Variants in NUDT9 observed in about 807,000 individuals in gnomAD.
The protein encoded by NUDT9 is nudix hydrolase 9.
A neutral mutation model predicts 41.0 loss-of-function variants in NUDT9; 31 were observed. The ratio of observed to expected loss-of-function variants is 0.76; its 90% confidence interval spans 0.57 to 1.02. NUDT9 has a LOEUF of 1.02. Among genes scored for constraint, NUDT9 ranks in the 50% least tolerant of loss-of-function variants. The pLI is 0.00. For synonymous variants in NUDT9, 146 were observed against 147.6 expected (o/e 0.99, Z 0.08); for missense variants, 380 against 431.4 (o/e 0.88, Z 1.06).
Position 87,430,548 on chromosome 4 carries a change from A to AT in NUDT9, c.108-4425dup, listed in dbSNP as rs887077174. On this transcript the variant is annotated intron_variant, in intron 1 of 7. Coordinates refer to ENST00000302174, the MANE Select transcript of NUDT9 (RefSeq NM_024047.5). ...ACAGAAATACAAATTGTTTGATGTCATTTTTTTTATTGCAAGTAAATTTCT... is the reference window on the plus strand; with the variant it reads ...ACAGAAATACAAATTGTTTGATGTCATTTTTTTTTATTGCAAGTAAATTTCT... Among the ~76,000 whole-genome samples the AT allele has an allele frequency of 4.6e-5, 7 of 151,682 alleles. No individual in the cohort carries two copies. The East Asian group carries it at 5.8e-4, about 13-fold the overall frequency.
chr4:87,428,087 G>A (rs897894474), intron 1 of NUDT9, among the ~76,000 whole-genome samples: 1 of 152,152 alleles, frequency 6.6e-6, no homozygotes, highest in Non-Finnish European at 1.5e-5. Flanking sequence ...TCAAATACTC[G>A]CTCACGTTAC....
Position 87,449,216 on chromosome 4 carries a change from T to G in NUDT9, c.605T>G (p.Ile202Arg). Reference protein sequence around the residue: ...SGKHILQFVAIKRKDCGEWAI... With the variant: ...SGKHILQFVARKRKDCGEWAI... The stretch of plus-strand genomic sequence containing the variant: ...AAGCATATCTTACAATTTGTTGCAA[T>G]AAAAAGGAAAGACTGTGGAGAATGG... Residue 202 changes from isoleucine to arginine, a missense_variant, in exon 5 of 8, where the codon ATA becomes AGA. Transcript: ENST00000302174. 1 of 1,610,000 alleles carries G rather than the reference T, an allele frequency of 6.2e-7. No individual in the cohort carries two copies. The highest frequency in any genetic ancestry group is 8.5e-7 in the Non-Finnish European group (1 of 1,176,412).
chr4:87,442,301 A>G (rs1722238682), intron 4 of NUDT9, among the ~76,000 whole-genome samples: 1 of 152,218 alleles, frequency 6.6e-6, no homozygotes, highest in African/African-American at 2.4e-5. Flanking sequence ...ATATCTAAAC[A>G]TAGGGAAAGT....
chr4:87,432,282 C>T (rs1417938980), intron 1 of NUDT9, among the ~76,000 whole-genome samples: 2 of 152,220 alleles, frequency 1.3e-5, no homozygotes, highest in Middle Eastern at 3.4e-3. Flanking sequence ...AACAGGTAGC[C>T]TGGAGATACT....
chr4:87,446,050 C>T (rs1422271207), intron 4 of NUDT9, among the ~76,000 whole-genome samples: 1 of 151,862 alleles, frequency 6.6e-6, no homozygotes, highest in East Asian at 1.9e-4. Flanking sequence ...AGGCAGGAGC[C>T]ACCACACTAC....
intron 4 of NUDT9, among the ~76,000 whole-genome samples, chr4:87,442,842 T>C (rs1249122923): frequency 6.6e-6 from 1 of 152,220 alleles, no homozygotes; most frequent in African/African-American, 2.4e-5. Context: ...GGCAGTAATA[T>C]GCATGGAGCT....
Position 87,449,239 on chromosome 4 carries a change from TG to T in NUDT9, c.631del (p.Ala211GlnfsTer17). ...AATAAAAAGGAAAGACTGTGGAGAA[TG>T]GGCAATCCCAGGGGTAAGCATTAAA... ...VAIKRKDCGEWAIPGGMVDPG... is the reference protein window; with the variant it reads ...VAIKRKDCGEXAIPGGMVDPG... On this transcript the variant is annotated frameshift_variant, in exon 5 of 8. Coordinates refer to ENST00000302174, the MANE Select transcript of NUDT9 (RefSeq NM_024047.5). LOFTEE classifies it high-confidence loss of function. 6.3e-7 allele frequency: 1 copy of T among 1,579,086 alleles called. No homozygotes were observed. The highest frequency in any genetic ancestry group is 8.7e-7 in the Non-Finnish European group (1 of 1,148,306).
chr4:87,424,408 C>T (rs1035133030), intron 1 of NUDT9, among the ~76,000 whole-genome samples: 6 of 151,944 alleles, frequency 3.9e-5, no homozygotes, highest in African/African-American at 1.5e-4. Context: ...TACTGGCGCG[C>T]GCACGCCCGG....
intron 1 of NUDT9, among the ~76,000 whole-genome samples, chr4:87,431,565 G>C (rs751110163): frequency 6.6e-6 from 1 of 152,080 alleles, no homozygotes; most frequent in East Asian, 1.9e-4. Flanking sequence ...TTATTTATTG[G>C]TGTCTTTAAT....
chr4:87,424,323 G>A (rs980784023), intron 1 of NUDT9, among the ~76,000 whole-genome samples: 2 of 147,058 alleles, frequency 1.4e-5, no homozygotes, highest in South Asian at 2.2e-4. Context: ...GCAGTGGCGC[G>A]ATCTCGGCTC....
chr4:87,451,895 A>T lies in NUDT9; in HGVS notation c.789+160A>T, dbSNP rs574123474. Reference sequence around the variant, plus strand: ...CAAATTACAGATCTTCACTGTAAATAGGTTTCTATTTAAAGTTTTATAGCC... The same window carrying T: ...CAAATTACAGATCTTCACTGTAAATTGGTTTCTATTTAAAGTTTTATAGCC... On this transcript the variant is annotated intron_variant, in intron 6 of 7. Transcript: ENST00000302174. Among the ~76,000 whole-genome samples, 6 of 152,338 alleles carry T rather than the reference A, an allele frequency of 3.9e-5. No individual in the cohort carries two copies. The East Asian group carries it at 1.2e-3, about 29-fold the overall frequency.
intron 1 of NUDT9, among the ~76,000 whole-genome samples, chr4:87,423,515 C>T (rs1333263843): frequency 6.7e-6 from 1 of 149,180 alleles, no homozygotes; most frequent in Non-Finnish European, 1.5e-5. Context: ...TCTTACACTG[C>T]CTCCTTCTGT....
intron 2 of NUDT9, among the ~76,000 whole-genome samples, chr4:87,435,773 G>A (rs1016388489): frequency 6.6e-6 from 1 of 152,102 alleles, no homozygotes; most frequent in African/African-American, 2.4e-5. Context: ...AACATTTTAT[G>A]TTTATGTTTC....
chr4:87,456,425 A>G (rs1722993393), intron 7 of NUDT9, among the ~76,000 whole-genome samples: 1 of 152,002 alleles, frequency 6.6e-6, no homozygotes, highest in Non-Finnish European at 1.5e-5. Context: ...TTGGTAAAAT[A>G]GTTTTCCTTG....
At chr4:87,448,759 G>A (rs1045339113) in intron 4 of NUDT9, among the ~76,000 whole-genome samples, 5 of 152,168 alleles carry the variant, frequency 3.3e-5, no homozygotes, top group South Asian at 2.1e-4. Flanking sequence ...GAGACACTGC[G>A]CCTGGCAACT....
chr4:87,451,496 T>A (rs1722706216), intron 5 of NUDT9, 93 bp from the exon 6 acceptor site: 3 of 985,916 alleles, frequency 3.0e-6, no homozygotes, highest in Non-Finnish European at 4.5e-6. Flanking sequence ...ATAGGCAGAT[T>A]GAATAATAAA....
intron 1 of NUDT9, among the ~76,000 whole-genome samples, chr4:87,433,334 C>G (rs1721770229): frequency 6.6e-6 from 1 of 152,196 alleles, no homozygotes. Flanking sequence ...GCACCTTTCT[C>G]TATCTTTCAT....
At chr4:87,448,564 C>G (rs575296010) in intron 4 of NUDT9, among the ~76,000 whole-genome samples, 3 of 152,050 alleles carry the variant, frequency 2.0e-5, no homozygotes, top group African/African-American at 7.2e-5. Flanking sequence ...TCAGTGCAAC[C>G]TTAAACTCCT....
intron 1 of NUDT9, among the ~76,000 whole-genome samples, chr4:87,426,861 G>T (rs1721447183): frequency 6.8e-6 from 1 of 147,376 alleles, no homozygotes; most frequent in African/African-American, 2.5e-5. Context: ...CATAGAGTGA[G>T]ACCCCATCTT....
Sources: gnomAD v4.1 joint callset for allele counts (sites outside exome capture counted in the v4.1 genomes callset) on GRCh38, gnomAD v4.1.1 for gene constraint, MANE v1.5 for transcripts, NCBI Gene and HGNC (gene_info 2026-07-23, HGNC 2026-07-21) for gene names.